Variants in ADD1 observed in about 807,000 individuals in gnomAD.
ADD1 encodes adducin 1.
Under a neutral mutation model 80.5 loss-of-function variants are expected in ADD1, and 24 were observed. The observed-to-expected ratio is 0.30, with a 90% confidence interval of 0.22 to 0.42. The LOEUF (loss-of-function observed/expected upper bound fraction) is 0.42, where lower values mean the gene tolerates loss of function less well. ADD1 is among the 10% of genes least tolerant of loss of function. ADD1 has a pLI of 1.00. For missense variants in ADD1, 948 were observed against 1,019.0 expected (o/e 0.93, Z 0.95); for synonymous variants, 373 against 393.8 (o/e 0.95, Z 0.63).
intron 9 of ADD1, 41 bp downstream of exon 9, chr4:2,899,476 TA>T: frequency 1.7e-5 from 27 of 1,610,730 alleles, no homozygotes; most frequent in Non-Finnish European, 2.3e-5. Flanking sequence ...CCTTTTGTTC[TA>T]AAAGCATCAG....
intron 1 of ADD1, among the ~76,000 whole-genome samples, chr4:2,864,963 G>A (rs1729329874): frequency 6.6e-6 from 1 of 152,056 alleles, no homozygotes. Context: ...TTAAAAATGT[G>A]TGTGTGTATA....
At chr4:2,907,645 C>A in intron 10 of ADD1, 98 bp from the exon 11 acceptor site, 1 of 1,011,424 alleles carries the variant, frequency 9.9e-7, no homozygotes, top group Non-Finnish European at 1.6e-6. Flanking sequence ...CTGTGATGTT[C>A]AGTGCATGAC....
In ADD1 at chr4:2,926,454, C is replaced by T. The variant is rs546663669; in HGVS notation, c.2047+342C>T. 1.0e-5 allele frequency: 7 copies of T among 701,238 alleles called. No individual in the cohort carries two copies. The South Asian group carries it at 1.1e-4, about 11-fold the overall frequency. The allele number at this position is 701,238 out of a possible 1,614,324, so 43.4% of individuals were successfully genotyped here. A position where few individuals can be genotyped will look rare whatever the true frequency, so the allele number is the denominator to read the frequency against. On this transcript the variant is annotated intron_variant, in intron 15 of 15. Transcript: ENST00000683351. This position sits in a 1 kb window ranked among gnomAD's most constrained non-coding sequence, Gnocchi z 5.0. The stretch of plus-strand genomic sequence containing the variant: ...TGCCCTCCGCTGTGTGAGCCACACG[C>T]CGGCTGCCTCTCAGCCACCGTGTGT...
chr4:2,888,317 G>A lies in ADD1; in HGVS notation c.510+3651G>A, dbSNP rs1055861071. 1.0e-3 allele frequency among the ~76,000 whole-genome samples: 153 copies of A among 151,824 alleles called. 2 individuals are homozygous for A. The highest frequency in any genetic ancestry group is 3.9e-4 in the Admixed American group (6 of 15,222). On this transcript the variant is annotated intron_variant, in intron 4 of 15. Coordinates refer to ENST00000683351, the MANE Select transcript of ADD1 (RefSeq NM_001354761.2). ...TGGGCTCAAACTCCTGGCCTCAAGC[G>A]ATCCGCCTGCCTCGGCCTCCCAAAG... is the stretch of plus-strand genomic sequence containing the variant.
chr4:2,868,857 G>A (rs1729969226), intron 1 of ADD1, among the ~76,000 whole-genome samples: 2 of 152,210 alleles, frequency 1.3e-5, no homozygotes, highest in African/African-American at 2.4e-5. Context: ...CCTTCATAGA[G>A]CGGGAAGCAT....
intron 4 of ADD1, among the ~76,000 whole-genome samples, chr4:2,890,544 G>A (rs1310235211): frequency 6.6e-6 from 1 of 151,942 alleles, no homozygotes; most frequent in Non-Finnish European, 1.5e-5. Flanking sequence ...GTAGCTGGGA[G>A]TACAGTCGCC....
chr4:2,895,726 C>G (rs748185342), intron 6 of ADD1, among the ~76,000 whole-genome samples: 1 of 152,184 alleles, frequency 6.6e-6, no homozygotes, highest in Non-Finnish European at 1.5e-5. Flanking sequence ...GCCACCCTGA[C>G]AAAGCCCCAG....
intron 1 of ADD1, chr4:2,868,016 C>T (rs1729809822): frequency 6.6e-6 from 1 of 152,234 alleles, no homozygotes; most frequent in Non-Finnish European, 1.5e-5. Context: ...TCCGGAGACA[C>T]AGGAATAGAA....
intron 13 of ADD1, among the ~76,000 whole-genome samples, chr4:2,911,004 T>G (rs1005095242): frequency 1.3e-5 from 2 of 152,238 alleles, no homozygotes; most frequent in Non-Finnish European, 2.9e-5. Context: ...GAGAATGTGC[T>G]TTGGCTCCAT....
intron 1 of ADD1, among the ~76,000 whole-genome samples, chr4:2,864,668 TGTTTACA>T (rs1729282601): frequency 6.6e-6 from 1 of 152,032 alleles, no homozygotes. Context: ...CACTCTTAGG[TGTTTACA>T]CTTCCTTCCT....
At chr4:2,860,296 C>T (rs370088325) in intron 1 of ADD1, among the ~76,000 whole-genome samples, 18 of 152,202 alleles carry the variant, frequency 1.2e-4, no homozygotes, top group African/African-American at 2.2e-4. Flanking sequence ...TGGGAATTGA[C>T]GTGATTTTGG....
chr4:2,844,599 T>C (rs1055088079), intron 1 of ADD1: 2 of 152,274 alleles, frequency 1.3e-5, no homozygotes, highest in African/African-American at 4.8e-5. Context: ...TTTCGTTTTT[T>C]GGGAGATGTC....
intron 9 of ADD1, 103 bp downstream of exon 9, chr4:2,899,538 A>C: frequency 7.9e-7 from 1 of 1,261,118 alleles, no homozygotes; most frequent in Non-Finnish European, 1.1e-6. Flanking sequence ...GCAGTATCTG[A>C]ATACCTTCAC....
At chr4:2,889,654 C>CT (rs2108979827) in intron 4 of ADD1, among the ~76,000 whole-genome samples, 1 of 151,918 alleles carries the variant, frequency 6.6e-6, no homozygotes, top group South Asian at 2.1e-4. Flanking sequence ...AAACCCATCT[C>CT]TACCAAAAAA....
chr4:2,909,465 G>T (rs1265155552), intron 13 of ADD1, 34 bp downstream of exon 13: 2 of 1,503,524 alleles, frequency 1.3e-6, no homozygotes, highest in Non-Finnish European at 1.8e-6. Context: ...ACCTGTCTAT[G>T]CGCCTTGCTC....
intron 1 of ADD1, among the ~76,000 whole-genome samples, chr4:2,863,454 A>G (rs1318658742): frequency 2.0e-5 from 3 of 152,154 alleles, no homozygotes; most frequent in African/African-American, 7.2e-5. Flanking sequence ...GAGAAACAGT[A>G]TTTAATGTAT....
chr4:2,907,542 C>T, intron 10 of ADD1: 1 of 499,720 alleles, frequency 2.0e-6, no homozygotes, highest in South Asian at 2.2e-5. Flanking sequence ...CTTTGACTTC[C>T]AGCATTAACT....
At chr4:2,892,972 G>C (rs1734562356) in intron 4 of ADD1, among the ~76,000 whole-genome samples, 1 of 152,022 alleles carries the variant, frequency 6.6e-6, no homozygotes, top group South Asian at 2.1e-4. Context: ...CTAGAGTGCA[G>C]TGGCACGATC....
In ADD1 at chr4:2,876,637, C is replaced by G. The variant is rs149983001; in HGVS notation, c.195+527C>G. On this transcript the variant is annotated intron_variant, in intron 2 of 15. Transcript: ENST00000683351. ...GGATCACGAGGTCAGGAGATCGAGA[C>G]CATCCTGGCTAACACGGTGAAAACC... is the stretch of plus-strand genomic sequence containing the variant. Among the ~76,000 whole-genome samples, 792 of 152,198 alleles carry G rather than the reference C, an allele frequency of 5.2e-3. 4 individuals carry two copies. The highest frequency in any genetic ancestry group is 0.018 in the African/African-American group (745 of 41,510).
Sources: gnomAD v4.1 joint callset for allele counts (sites outside exome capture counted in the v4.1 genomes callset) on GRCh38, gnomAD v4.1.1 for gene constraint, Gnocchi (gnomAD v3.1) non-coding constraint, MANE v1.5 for transcripts, NCBI Gene and HGNC (gene_info 2026-07-23, HGNC 2026-07-21) for gene names.